The following ZNF423 variants were observed in gnomAD, a reference collection of about 807,000 sequenced individuals.
ZNF423 encodes the protein Ebf-associated zinc finger protein.
In ZNF423, 12 loss-of-function variants were observed where a neutral mutation model predicts 95.8. The ratio of observed to expected loss-of-function variants is 0.13; its 90% CI spans 0.08 to 0.20. The LOEUF (loss-of-function observed/expected upper bound fraction) is 0.20, where lower values mean the gene tolerates loss of function less well. Ranked by LOEUF, ZNF423 falls within the 10% of genes least tolerant of loss-of-function variation. The pLI, the probability that ZNF423 is intolerant of heterozygous loss-of-function variation, is 1.00. For synonymous variants in ZNF423, 749 were observed against 711.9 expected, an observed-to-expected ratio of 1.05 and a Z score of -0.83; for missense variants, 1,316 against 1,737.1, an observed-to-expected ratio of 0.76 and a Z score of 4.31.
At chr16:49,600,060 C>T (rs1359134450) in intron 5 of ZNF423, among the ~76,000 whole-genome samples, 1 of 152,200 alleles carries the variant, frequency 6.6e-6, no homozygotes, top group Non-Finnish European at 1.5e-5. Context: ...GTGGCTCACT[C>T]CTGTAATCCC....
intron 3 of ZNF423, among the ~76,000 whole-genome samples, chr16:49,727,685 G>T (rs2033060721): frequency 6.6e-6 from 1 of 152,178 alleles, no homozygotes; most frequent in Non-Finnish European, 1.5e-5. Context: ...CGTTCCAGCA[G>T]CAACAGTCCC....
intron 3 of ZNF423, among the ~76,000 whole-genome samples, chr16:49,682,144 G>A (rs1393553753): frequency 3.3e-5 from 5 of 151,886 alleles, no homozygotes; most frequent in South Asian, 2.1e-4. Context: ...GCTAGCACTC[G>A]GCCAGTTTCC....
Position 49,637,797 on chromosome 16 carries a change from G to T in ZNF423, c.1379C>A (p.Thr460Asn). Residue 460 changes from threonine to asparagine, a missense_variant, in exon 4 of 8, where the codon ACC (threonine) becomes AAC (asparagine). Thr to Asn is a moderately conservative substitution (Grantham distance 65). This residue lies in a region of ZNF423 where 399 missense variants were observed against 478.5 expected (regional missense o/e 0.83). Coordinates refer to ENST00000563137, the MANE Select transcript of ZNF423 (RefSeq NM_001379286.1). The surrounding 1 kb of genome is among the most constrained non-coding windows in gnomAD (Gnocchi z 5.6). ...AACGTGCTCGTTGAGGTTGTAGAGG[G>T]TGGGCATGGAGTCCAGGCAGATCTG... ...TCQICLDSMP[T>N]LYNLNEHVRK... 6.2e-7 allele frequency: 1 copy of T among 1,614,188 alleles called. No individual in the cohort carries two copies. The highest frequency in any genetic ancestry group is 1.1e-5 in the South Asian group (1 of 91,090).
intron 1 of ZNF423, among the ~76,000 whole-genome samples, chr16:49,839,543 A>G (rs1041490262): frequency 1.3e-5 from 2 of 152,192 alleles, no homozygotes; most frequent in Non-Finnish European, 2.9e-5. Flanking sequence ...TTACCTGTGC[A>G]TTGAGAGGCC....
At chr16:49,824,012 G>A (rs2034977618) in intron 1 of ZNF423, among the ~76,000 whole-genome samples, 1 of 152,122 alleles carries the variant, frequency 6.6e-6, no homozygotes, top group Non-Finnish European at 1.5e-5. Context: ...CCCAGAAAGT[G>A]GAGATTACAG....
chr16:49,796,046 G>C (rs753369828), intron 1 of ZNF423, among the ~76,000 whole-genome samples: 3 of 152,038 alleles, frequency 2.0e-5, no homozygotes, highest in Non-Finnish European at 2.9e-5. Flanking sequence ...AGGATTCTGG[G>C]GCTCTGCCAG....
intron 2 of ZNF423, among the ~76,000 whole-genome samples, chr16:49,749,473 A>C (rs1011733085): frequency 6.6e-6 from 1 of 152,264 alleles, no homozygotes; most frequent in African/African-American, 2.4e-5. Context: ...GATACAAGCC[A>C]TACAGAAAAG....
intron 5 of ZNF423, among the ~76,000 whole-genome samples, chr16:49,555,152 C>T (rs1479198025): frequency 1.3e-5 from 2 of 152,082 alleles, no homozygotes; most frequent in Non-Finnish European, 2.9e-5. Context: ...GATTTTTCCC[C>T]CTAAAACAAA....
intron 2 of ZNF423, among the ~76,000 whole-genome samples, chr16:49,756,365 C>T (rs901234264): frequency 3.3e-5 from 5 of 152,156 alleles, no homozygotes; most frequent in African/African-American, 4.8e-5. Context: ...AAATGCTTCC[C>T]AATTTCAGAA....
intron 3 of ZNF423, among the ~76,000 whole-genome samples, chr16:49,718,852 TACTACCAC>T (rs1424942636): frequency 6.6e-6 from 1 of 152,204 alleles, no homozygotes; most frequent in Non-Finnish European, 1.5e-5. Flanking sequence ...CACTGCTTAA[TACTACCAC>T]ATTGGGGATT....
chr16:49,619,433 G>C (rs1971983920), intron 5 of ZNF423, among the ~76,000 whole-genome samples: 1 of 152,128 alleles, frequency 6.6e-6, no homozygotes, highest in Admixed American at 6.5e-5. Flanking sequence ...TTAAAATTCA[G>C]AACTGATGGA....
chr16:49,809,376 T>C (rs1246967237), intron 1 of ZNF423, among the ~76,000 whole-genome samples: 1 of 152,168 alleles, frequency 6.6e-6, no homozygotes, highest in African/African-American at 2.4e-5. Flanking sequence ...AGTGGTCCCA[T>C]GCTCTGTGTG....
intron 3 of ZNF423, among the ~76,000 whole-genome samples, chr16:49,666,023 G>A (rs1377360733): frequency 1.3e-5 from 2 of 152,162 alleles, no homozygotes; most frequent in Non-Finnish European, 2.9e-5. Flanking sequence ...GCAGAACTGC[G>A]CAGGCCAATG....
In ZNF423 at chr16:49,842,422, C is replaced by A. The variant is rs62029419; in HGVS notation, c.40+13313G>T. On this transcript the variant is annotated intron_variant, in intron 1 of 7. Coordinates refer to ENST00000563137, the MANE Select transcript of ZNF423 (RefSeq NM_001379286.1). ...GAAGGAAGGAAGGAAGGCAGGCAGGCAGGCAGGCAGGCAGGCAGGCAGGCA... is the reference window on the plus strand; with the variant it reads ...GAAGGAAGGAAGGAAGGCAGGCAGGAAGGCAGGCAGGCAGGCAGGCAGGCA... Among the ~76,000 whole-genome samples the A allele has an allele frequency of 7.9e-3, 705 of 88,894 alleles. 5 individuals carry two copies. The highest frequency in any genetic ancestry group is 0.025 in the African/African-American group (612 of 24,742). 58.3% of individuals were successfully genotyped at this position (88,894 alleles called of 152,430 possible). A position where few individuals can be genotyped will look rare whatever the true frequency, so the allele number is the denominator to read the frequency against.
At chr16:49,750,487 A>G (rs1237815104) in intron 2 of ZNF423, among the ~76,000 whole-genome samples, 1 of 152,162 alleles carries the variant, frequency 6.6e-6, no homozygotes, top group African/African-American at 2.4e-5. Context: ...GTCACAGAAG[A>G]CGTGTCAGCC....
chr16:49,763,800 T>C (rs2033875387), intron 2 of ZNF423, among the ~76,000 whole-genome samples: 1 of 152,162 alleles, frequency 6.6e-6, no homozygotes, highest in Non-Finnish European at 1.5e-5. Context: ...CCCAATCCTT[T>C]TGCCCCATCC....
At chr16:49,514,210 A>ACACG (rs1567435486) in intron 7 of ZNF423, among the ~76,000 whole-genome samples, 1 of 54,074 alleles carries the variant, frequency 1.8e-5, no homozygotes, top group East Asian at 5.3e-4. Flanking sequence ...ACACACACAC[A>ACACG]CATGCACACG....
chr16:49,647,827 T>C (rs1455266576), intron 3 of ZNF423, among the ~76,000 whole-genome samples: 1 of 152,246 alleles, frequency 6.6e-6, no homozygotes, highest in African/African-American at 2.4e-5. Flanking sequence ...ACTGTGCTTA[T>C]GGTAATTTGT....
intron 5 of ZNF423, among the ~76,000 whole-genome samples, chr16:49,620,920 C>T (rs897064357): frequency 6.6e-6 from 1 of 152,218 alleles, no homozygotes; most frequent in African/African-American, 2.4e-5. Context: ...ATACATTATA[C>T]ATATATGTTC....
Sources: gnomAD v4.1 joint callset for allele counts (sites outside exome capture counted in the v4.1 genomes callset) on GRCh38, gnomAD v4.1.1 for gene constraint, gnomAD v4.1.1 regional missense constraint, Gnocchi (gnomAD v3.1) non-coding constraint, MANE v1.5 for transcripts, NCBI Gene and HGNC (gene_info 2026-07-23, HGNC 2026-07-21) for gene names.